TBX15: variants seen among roughly 807,000 people sequenced by gnomAD.
TBX15 encodes T-box transcription factor 15, also known as T-box transcription factor TBX15.
In TBX15, 18 loss-of-function variants were observed where a neutral mutation model predicts 53.9. The ratio of observed to expected loss-of-function variants is 0.33; its 90% CI spans 0.23 to 0.49. The LOEUF (loss-of-function observed/expected upper bound fraction) is 0.49, where lower values mean the gene tolerates loss of function less well. Among genes scored for constraint, TBX15 ranks in the 20% least tolerant of loss-of-function variants. The pLI is 0.98. For synonymous variants in TBX15, 295 were observed against 278.0 expected, an observed-to-expected ratio of 1.06 and a Z score of -0.61; for missense variants, 692 against 749.5, an observed-to-expected ratio of 0.92 and a Z score of 0.90.
intron 1 of TBX15, among the ~76,000 whole-genome samples, chr1:118,945,984 C>T (rs1656334735): frequency 6.6e-6 from 1 of 152,134 alleles, no homozygotes; most frequent in Non-Finnish European, 1.5e-5. Context: ...ATATAATCAA[C>T]ATTGATGTAT....
At chr1:118,935,703 C>T (rs1655946649) in intron 1 of TBX15, among the ~76,000 whole-genome samples, 1 of 152,140 alleles carries the variant, frequency 6.6e-6, no homozygotes, top group South Asian at 2.1e-4. Flanking sequence ...TATCTCTGAC[C>T]TATTTCACTT....
intron 5 of TBX15, among the ~76,000 whole-genome samples, chr1:118,916,817 G>A (rs972993117): frequency 2.0e-5 from 3 of 151,986 alleles, no homozygotes; most frequent in Admixed American, 6.6e-5. Flanking sequence ...GGTGAGCTAC[G>A]ATTGCACCAC....
In TBX15 at chr1:118,899,030, T is replaced by G. The variant is rs912042787; in HGVS notation, c.1022A>C (p.Gln341Pro). ...FEDFTTMQKQ[Q>P]GGSTGTSPTT... ...GAGGCCTTGCTCCAGGGCTTTACCT[T>G]GCTGCTTCTGCATGGTGGTGAAGTC... is the stretch of plus-strand genomic sequence containing the variant. Residue 341 changes from glutamine (Q) to proline (P), a missense_variant and splice_region_variant, in exon 7 of 8, where the codon CAA (glutamine) becomes CCA (proline). By Grantham distance (76) the Gln-to-Pro change is moderately conservative. Coordinates refer to ENST00000369429, the MANE Select transcript of TBX15 (RefSeq NM_001330677.2). The G allele has an allele frequency of 6.2e-7, 1 of 1,613,548 alleles. No individual in the cohort carries two copies.
chr1:118,983,769 C>T (rs1489600664), intron 1 of TBX15, among the ~76,000 whole-genome samples: 1 of 152,170 alleles, frequency 6.6e-6, no homozygotes, highest in Non-Finnish European at 1.5e-5. Flanking sequence ...CCCAGCAGAC[C>T]CTCCGGCATC....
At chr1:118,976,141 A>G (rs959402470) in intron 1 of TBX15, among the ~76,000 whole-genome samples, 31 of 152,190 alleles carry the variant, frequency 2.0e-4, no homozygotes, top group African/African-American at 7.5e-4. Flanking sequence ...AACTGGGCAA[A>G]CCAGGGCTGC....
chr1:118,922,071 T>C (rs1655441621), intron 5 of TBX15, among the ~76,000 whole-genome samples: 1 of 152,212 alleles, frequency 6.6e-6, no homozygotes, highest in Non-Finnish European at 1.5e-5. Context: ...TACTGTATTA[T>C]ATTAAATCAT....
At chr1:118,975,423 C>T (rs1308477952) in intron 1 of TBX15, among the ~76,000 whole-genome samples, 1 of 152,200 alleles carries the variant, frequency 6.6e-6, no homozygotes, top group African/African-American at 2.4e-5. Context: ...GTTTTGGTGA[C>T]AACGTGAGCA....
At chr1:118,894,501 A>C (rs557491864) in intron 7 of TBX15, among the ~76,000 whole-genome samples, 1 of 152,306 alleles carries the variant, frequency 6.6e-6, no homozygotes, top group East Asian at 1.9e-4. Flanking sequence ...GTTTTGAAAA[A>C]AATGATTCTC....
intron 1 of TBX15, among the ~76,000 whole-genome samples, chr1:118,955,938 G>C (rs1445518109): frequency 6.6e-6 from 1 of 152,180 alleles, no homozygotes; most frequent in Non-Finnish European, 1.5e-5. Flanking sequence ...CATCCTAACG[G>C]TTATGAGCTG....
At chr1:118,906,453 G>A (rs751903841) in intron 6 of TBX15, among the ~76,000 whole-genome samples, 13 of 152,038 alleles carry the variant, frequency 8.6e-5, no homozygotes, top group Non-Finnish European at 1.5e-4. Context: ...GCTAATATTA[G>A]GCACTTTGAT....
chr1:118,892,919 C>T (rs1289775126), intron 7 of TBX15, among the ~76,000 whole-genome samples: 5 of 152,040 alleles, frequency 3.3e-5, no homozygotes, highest in African/African-American at 1.2e-4. Context: ...TCCCAACTTA[C>T]TATGTTGTTA....
At chr1:118,911,433 A>G (rs532775141) in intron 6 of TBX15, among the ~76,000 whole-genome samples, 1 of 152,346 alleles carries the variant, frequency 6.6e-6, no homozygotes, top group South Asian at 2.1e-4. Flanking sequence ...TAGAGAGAAT[A>G]GAGCCCATTA....
intron 1 of TBX15, among the ~76,000 whole-genome samples, chr1:118,969,837 C>T (rs992028246): frequency 6.6e-6 from 1 of 152,242 alleles, no homozygotes; most frequent in Non-Finnish European, 1.5e-5. Flanking sequence ...GCTTGGAGCT[C>T]AAGGCATCCA....
Position 118,987,852 on chromosome 1 carries a change from G to C in TBX15, c.-57C>G. ...CCCCGCTACCGAGGGAGCAGCCGGC[G>C]CCCTCAAGCTCTGAGCGCCCACCGG... On this transcript the variant is annotated 5_prime_UTR_variant, in exon 1 of 8. Transcript: ENST00000369429. 1 of 1,539,394 alleles carries C rather than the reference G, an allele frequency of 6.5e-7. No homozygotes were observed.
intron 1 of TBX15, among the ~76,000 whole-genome samples, chr1:118,940,979 AT>A: frequency 6.7e-6 from 1 of 149,796 alleles, no homozygotes; most frequent in African/African-American, 2.6e-5. Context: ...GTTCATTCTG[AT>A]AAACTGGGTG....
chr1:118,932,456 G>A (rs964196353), intron 1 of TBX15, among the ~76,000 whole-genome samples: 1 of 151,914 alleles, frequency 6.6e-6, no homozygotes, highest in Non-Finnish European at 1.5e-5. Flanking sequence ...AGGCCATTTT[G>A]GATGGGAAAA....
chr1:118,929,026 C>T (rs1300394600), intron 2 of TBX15, among the ~76,000 whole-genome samples: 2 of 152,158 alleles, frequency 1.3e-5, no homozygotes, highest in African/African-American at 4.8e-5. Context: ...GAAGTCACAA[C>T]AGTCTAAAGA....
At chr1:118,888,016 T>G (rs772638679) in intron 7 of TBX15, among the ~76,000 whole-genome samples, 1 of 152,146 alleles carries the variant, frequency 6.6e-6, no homozygotes, top group Non-Finnish European at 1.5e-5. Flanking sequence ...TAGCTGCTGA[T>G]TTTAGAGACA....
chr1:118,908,945 T>C (rs1012917645), intron 6 of TBX15, among the ~76,000 whole-genome samples: 4 of 129,752 alleles, frequency 3.1e-5, no homozygotes, highest in South Asian at 2.4e-4. Flanking sequence ...CACACACACA[T>C]GCATGCATGC....
Sources: gnomAD v4.1 joint callset for allele counts (sites outside exome capture counted in the v4.1 genomes callset) on GRCh38, gnomAD v4.1.1 for gene constraint, MANE v1.5 for transcripts, NCBI Gene and HGNC (gene_info 2026-07-23, HGNC 2026-07-21) for gene names.